Variants in IFT57 observed in about 807,000 individuals in gnomAD.
IFT57 encodes intraflagellar transport protein 57 homolog.
Under a neutral mutation model 56.8 loss-of-function variants are expected in IFT57, and 59 were observed. That is an observed-to-expected ratio of 1.04 (90% confidence interval 0.84 to 1.29). IFT57 has a LOEUF of 1.29. IFT57 is among the 50% of genes most tolerant of loss of function. The pLI is 0.00. For synonymous variants in IFT57, 209 were observed against 186.1 expected (o/e 1.12, Z -1.00); for missense variants, 470 against 522.1 (o/e 0.90, Z 0.97).
chr3:108,196,070 G>A (rs896775682), intron 5 of IFT57, among the ~76,000 whole-genome samples: 4 of 152,116 alleles, frequency 2.6e-5, no homozygotes, highest in South Asian at 2.1e-4. Flanking sequence ...TGATCATTAC[G>A]CATTGTATGC....
intron 6 of IFT57, among the ~76,000 whole-genome samples, chr3:108,185,049 G>A (rs1028652383): frequency 6.6e-6 from 1 of 152,064 alleles, no homozygotes; most frequent in African/African-American, 2.4e-5. Context: ...CAAGATAAAT[G>A]AATCCAGCAT....
intron 6 of IFT57, among the ~76,000 whole-genome samples, chr3:108,177,715 T>C (rs62262372): frequency 0.08 from 12,137 of 151,848 alleles, 594 homozygotes; most frequent in Middle Eastern, 0.11. Flanking sequence ...TTCCCTAATT[T>C]ACTACAGGAT....
chr3:108,200,501 T>C (rs11926321), intron 5 of IFT57, among the ~76,000 whole-genome samples: 14,608 of 152,162 alleles, frequency 0.096, 761 homozygotes, highest in Middle Eastern at 0.12. Flanking sequence ...TACAAAGTTA[T>C]AGAAGACTGA....
rs1333035511 is a variant in IFT57 at position 108,162,561 on chromosome 3, G to A, written c.1206C>T (p.Leu402=). 1 of 1,612,790 alleles carries A rather than the reference G, an allele frequency of 6.2e-7. No homozygotes were observed. Among genetic ancestry groups the A allele is most frequent in the Non-Finnish European group, 8.5e-7 (1 of 1,179,152 alleles). ...TGGACTTCTCCTTCAGCTTTGATTGGAGTAGTGTGTGTTCCACAATGCCAA... is the reference window on the plus strand; with the variant it reads ...TGGACTTCTCCTTCAGCTTTGATTGAAGTAGTGTGTGTTCCACAATGCCAA... The part of the protein sequence containing the change: ...IRIGIVEHTL[L]QSKLKEKSNM... Residue 402 remains leucine (L), a synonymous_variant, in exon 11 of 11, where the codon CTC becomes CTT. Transcript: ENST00000264538.
In IFT57 at chr3:108,191,552, T is replaced by G. The variant is rs749923537; in HGVS notation, c.746A>C (p.Gln249Pro). The G allele has an allele frequency of 1.2e-6, 2 of 1,606,860 alleles. No individual in the cohort carries two copies. Among genetic ancestry groups the G allele is most frequent in the South Asian group, 1.1e-5 (1 of 89,664 alleles). Residue 249 changes from glutamine to proline, a missense_variant, in exon 6 of 11, where the codon CAA becomes CCA. Gln to Pro is a moderately conservative substitution (Grantham distance 76). Transcript: ENST00000264538. ...WSLEVERVLPQLKVTIRTDNK... is the reference protein window; with the variant it reads ...WSLEVERVLPPLKVTIRTDNK... ...GTCAGTCCTAATCGTGACTTTCAGT[T>G]GCGGTAGTACACGTTCCACTTCTAG...
intron 10 of IFT57, 54 bp downstream of exon 10, chr3:108,163,609 G>T: frequency 8.5e-7 from 1 of 1,180,292 alleles, no homozygotes; most frequent in Non-Finnish European, 1.3e-6. Context: ...TAGGTTTCTT[G>T]AAGAGCTATT....
At chr3:108,205,973 TATATATA>T (rs1178133711) in intron 5 of IFT57, among the ~76,000 whole-genome samples, 7 of 44,370 alleles carry the variant, frequency 1.6e-4, no homozygotes, top group Admixed American at 8.7e-4. Flanking sequence ...ATTATATATT[TATATATA>T]ATATATAATA....
chr3:108,179,558 A>G (rs183535246), intron 6 of IFT57, among the ~76,000 whole-genome samples: 10 of 152,124 alleles, frequency 6.6e-5, no homozygotes, highest in Admixed American at 2.0e-4. Context: ...GCACAAGCAG[A>G]TTTGCAATCT....
chr3:108,201,453 T>TG (rs1410352634), intron 5 of IFT57, among the ~76,000 whole-genome samples: 1 of 152,158 alleles, frequency 6.6e-6, no homozygotes. Context: ...GTAAAACTGA[T>TG]GGGGGTGGTA....
chr3:108,198,165 T>C (rs1435340195), intron 5 of IFT57, among the ~76,000 whole-genome samples: 2 of 152,146 alleles, frequency 1.3e-5, no homozygotes, highest in Non-Finnish European at 2.9e-5. Flanking sequence ...TTGTGATTGG[T>C]AGGTCAGGCA....
rs908202417 is a variant in IFT57, at chr3:108,190,839, C to T, written c.777+682G>A. On this transcript the variant is annotated intron_variant, in intron 6 of 10. Transcript: ENST00000264538. Reference sequence around the variant, plus strand: ...ATGGAATCTCGCTCTGTCATCCAGGCTGGAGTGCAGTGGTGCAGTCTTGGC... The same window carrying T: ...ATGGAATCTCGCTCTGTCATCCAGGTTGGAGTGCAGTGGTGCAGTCTTGGC... 7.2e-5 allele frequency among the ~76,000 whole-genome samples: 11 copies of T among 152,300 alleles called. No homozygotes were observed. In the East Asian group the frequency reaches 2.1e-3, roughly 29 times the overall value.
At chr3:108,163,869 T>C (rs1312872305) in intron 9 of IFT57, 140 bp from the exon 10 acceptor site, 2 of 605,646 alleles carry the variant, frequency 3.3e-6, no homozygotes, top group African/African-American at 1.9e-5. Context: ...TTGGACATAA[T>C]TCAAATAATA....
At chr3:108,189,332 C>T (rs2080202265) in intron 6 of IFT57, among the ~76,000 whole-genome samples, 1 of 152,192 alleles carries the variant, frequency 6.6e-6, no homozygotes, top group African/African-American at 2.4e-5. Flanking sequence ...CTCGCCCTAT[C>T]CCGGGACTGC....
At chr3:108,218,232 A>G (rs1232097057) in intron 3 of IFT57, among the ~76,000 whole-genome samples, 1 of 150,354 alleles carries the variant, frequency 6.7e-6, no homozygotes, top group Non-Finnish European at 1.5e-5. Flanking sequence ...ACATATGTAC[A>G]AGAGACTTTA....
chr3:108,206,701 G>T lies in IFT57; in HGVS notation c.586-5C>A, dbSNP rs778033885. ...TTCATTATCTGTCTCTTCTTCCTTA[G>T]AAAATAAATTTTTAAAAAATTATTA... is the stretch of plus-strand genomic sequence containing the variant. On this transcript the variant is annotated splice_polypyrimidine_tract_variant and splice_region_variant and intron_variant, in intron 4 of 10. Coordinates refer to ENST00000264538, the MANE Select transcript of IFT57 (RefSeq NM_018010.4). 1 of 1,169,520 alleles carries T rather than the reference G, an allele frequency of 8.6e-7. No homozygotes were observed. The highest frequency in any genetic ancestry group is 2.5e-5 in the South Asian group (1 of 40,386). 72.4% of individuals were successfully genotyped at this position (1,169,520 alleles called of 1,614,324 possible).
chr3:108,196,858 C>T (rs1175554648), intron 5 of IFT57, among the ~76,000 whole-genome samples: 1 of 152,202 alleles, frequency 6.6e-6, no homozygotes, highest in Non-Finnish European at 1.5e-5. Flanking sequence ...CTCAACATTT[C>T]TTAATGCCTA....
intron 5 of IFT57, among the ~76,000 whole-genome samples, chr3:108,205,806 T>C (rs1041798934): frequency 1.8e-4 from 20 of 110,658 alleles, no homozygotes; most frequent in African/African-American, 6.7e-4. Context: ...TACAAAATAT[T>C]ATAGCATATT....
intron 5 of IFT57, among the ~76,000 whole-genome samples, chr3:108,202,123 T>G (rs1364024871): frequency 6.6e-6 from 1 of 152,126 alleles, no homozygotes; most frequent in Non-Finnish European, 1.5e-5. Context: ...TGAAATGAAG[T>G]GATGGGCATT....
chr3:108,195,752 T>C (rs1011131391), intron 5 of IFT57, among the ~76,000 whole-genome samples: 5 of 152,100 alleles, frequency 3.3e-5, no homozygotes, highest in Non-Finnish European at 5.9e-5. Flanking sequence ...CTCACTCATA[T>C]GTGGGAGGTA....
Sources: allele counts gnomAD v4.1 joint callset (sites outside exome capture counted in the v4.1 genomes callset), GRCh38; gene constraint gnomAD v4.1.1; transcripts MANE v1.5; gene names NCBI Gene and HGNC (gene_info 2026-07-23, HGNC 2026-07-21).